The following DNAAF11 variants were observed in gnomAD, a reference collection of about 807,000 sequenced individuals.
DNAAF11 encodes the protein leucine rich repeat containing 6.
In DNAAF11, 45 loss-of-function variants were observed where a neutral mutation model predicts 60.8. The observed-to-expected ratio is 0.74, with a 90% confidence interval of 0.58 to 0.95. The LOEUF (loss-of-function observed/expected upper bound fraction) is 0.95. DNAAF11 is among the 40% of genes least tolerant of loss of function. The pLI is 0.00. For synonymous variants in DNAAF11, 191 were observed against 183.5 expected (o/e 1.04, Z -0.33); for missense variants, 546 against 546.2 (o/e 1.00, Z 0.00).
At chr8:132,578,455 A>C (rs138045869) in intron 11 of DNAAF11, 1 of 1,527,430 alleles carries the variant, frequency 6.5e-7, no homozygotes, top group Non-Finnish European at 8.7e-7. Context: ...ACGGACGCCC[A>C]TCACTGGTCT....
At chr8:132,598,947 A>G (rs1423275732) in intron 10 of DNAAF11, among the ~76,000 whole-genome samples, 3 of 152,134 alleles carry the variant, frequency 2.0e-5, no homozygotes, top group Non-Finnish European at 1.5e-5. Flanking sequence ...AGGAGACAGA[A>G]ACACAAAAAA....
chr8:132,576,731 GA>G (rs35017438), intron 11 of DNAAF11, among the ~76,000 whole-genome samples: 16 of 151,724 alleles, frequency 1.1e-4, no homozygotes, highest in African/African-American at 3.9e-4. Flanking sequence ...TCCACAATCT[GA>G]AAAAAAATCC....
intron 3 of DNAAF11, among the ~76,000 whole-genome samples, chr8:132,650,544 C>T (rs980850006): frequency 6.6e-6 from 1 of 152,224 alleles, no homozygotes; most frequent in South Asian, 2.1e-4. Context: ...AAATAAAACA[C>T]ATTAATAAAC....
chr8:132,692,175 A>G, the DNAAF11 span, among the ~76,000 whole-genome samples: 2 of 147,454 alleles, frequency 1.4e-5, no homozygotes, highest in African/African-American at 5.1e-5. Context: ...AATAGTGACA[A>G]GTAGTGACTG....
chr8:132,675,389 A>G lies in DNAAF11; in HGVS notation c.10+95T>C, dbSNP rs1353951829. 6 of 1,377,468 alleles carry G rather than the reference A, an allele frequency of 4.4e-6. No individual in the cohort carries two copies. In the African/African-American group the frequency reaches 8.9e-5, roughly 20 times the overall value. The allele number at this position is 1,377,468 out of a possible 1,614,324, so 85.3% of individuals were successfully genotyped here. On this transcript the variant is annotated intron_variant, in intron 1 of 11. Transcript: ENST00000620350. ...TCCGCCCAGGCGCGGGGGAACCGACAGCGCAGGGCGGGAGCGGGCGGCGAG... is the reference window on the plus strand; with the variant it reads ...TCCGCCCAGGCGCGGGGGAACCGACGGCGCAGGGCGGGAGCGGGCGGCGAG...
the DNAAF11 span, among the ~76,000 whole-genome samples, chr8:132,685,558 G>A: frequency 2.0e-5 from 3 of 152,228 alleles, no homozygotes; most frequent in Middle Eastern, 3.4e-3. Context: ...CCCTTCTCAC[G>A]TTGGCTGGCA....
rs1815580193 is a variant in DNAAF11 at position 132,583,739 on chromosome 8, G to A, written c.1181C>T (p.Ser394Phe). 1.2e-6 allele frequency: 2 copies of A among 1,613,744 alleles called. No homozygotes were observed. Among genetic ancestry groups the A allele is most frequent in the Admixed American group, 1.7e-5 (1 of 59,992 alleles). The change falls in exon 11 of 12, where the codon TCT becomes TTT. Residue 394 changes from serine (S) to phenylalanine (F), a missense_variant. Physicochemically the swap from Ser to Phe is radical, Grantham distance 155. Coordinates refer to ENST00000620350, the MANE Select transcript of DNAAF11 (RefSeq NM_012472.6). ...GCTCCTGTCCGAGGTAGTTTTCATA[G>A]ATTTGAATGCTCGCTGACCACCTGT... ...VITGGQRAFK[S>F]MKTTSDRSRE... is the part of the protein sequence containing the mutation.
the DNAAF11 span, among the ~76,000 whole-genome samples, chr8:132,690,626 G>A: frequency 4.4e-3 from 667 of 152,200 alleles, 12 homozygotes; most frequent in African/African-American, 0.015. Context: ...GATTTCCTTA[G>A]CCATTACCTA....
At chr8:132,590,064 T>C (rs1237602135) in intron 10 of DNAAF11, among the ~76,000 whole-genome samples, 1 of 152,220 alleles carries the variant, frequency 6.6e-6, no homozygotes, top group African/African-American at 2.4e-5. Flanking sequence ...TTTGTCCTCA[T>C]ATCCATTGCC....
chr8:132,612,213 C>T (rs1036417966), intron 8 of DNAAF11, among the ~76,000 whole-genome samples: 4 of 152,108 alleles, frequency 2.6e-5, no homozygotes, highest in Admixed American at 1.3e-4. Flanking sequence ...ACTACTAACA[C>T]GTAGCCCTAA....
rs1586744854 is a variant in DNAAF11 at position 132,668,304 on chromosome 8, C to CTGGA, written c.11-6681_11-6678dup. 3.3e-5 allele frequency among the ~76,000 whole-genome samples: 5 copies of CTGGA among 152,308 alleles called. No homozygotes were observed. In the East Asian group the frequency reaches 9.7e-4, roughly 29 times the overall value. The stretch of plus-strand genomic sequence containing the variant: ...TAGTGATATCTTTAGGGACGACTTA[C>CTGGA]TGGAGTGTGCTACTGAAAAGCACTA... On this transcript the variant is annotated intron_variant, in intron 1 of 11. Transcript: ENST00000620350.
At chr8:132,598,583 A>G (rs576185152) in intron 10 of DNAAF11, among the ~76,000 whole-genome samples, 2 of 152,354 alleles carry the variant, frequency 1.3e-5, no homozygotes, top group Admixed American at 6.5e-5. Flanking sequence ...ATAGCACAAT[A>G]TCTCCCAGAC....
chr8:132,629,937 A>AGAT (rs1331147254), intron 5 of DNAAF11, among the ~76,000 whole-genome samples: 1 of 152,236 alleles, frequency 6.6e-6, no homozygotes, highest in Non-Finnish European at 1.5e-5. Context: ...ATACAATGAA[A>AGAT]GATGGTTTAA....
At chr8:132,655,216 A>G (rs960278307) in intron 3 of DNAAF11, among the ~76,000 whole-genome samples, 1 of 152,088 alleles carries the variant, frequency 6.6e-6, no homozygotes, top group Non-Finnish European at 1.5e-5. Flanking sequence ...AAGAAGAAAT[A>G]GAAAATCTGA....
At chr8:132,669,670 G>C (rs1482186019) in intron 1 of DNAAF11, among the ~76,000 whole-genome samples, 1 of 152,104 alleles carries the variant, frequency 6.6e-6, no homozygotes, top group African/African-American at 2.4e-5. Flanking sequence ...TTCATCATAA[G>C]ATTAGCAGTG....
At chr8:132,593,760 G>A (rs1343912633) in intron 10 of DNAAF11, among the ~76,000 whole-genome samples, 1 of 151,952 alleles carries the variant, frequency 6.6e-6, no homozygotes, top group Non-Finnish European at 1.5e-5. Context: ...TTCTTTATGA[G>A]GCCATTGATT....
At chr8:132,625,016 A>T (rs998868539) in intron 6 of DNAAF11, among the ~76,000 whole-genome samples, 1 of 152,200 alleles carries the variant, frequency 6.6e-6, no homozygotes, top group Non-Finnish European at 1.5e-5. Flanking sequence ...TAGGCATATT[A>T]AAAGTGGTAA....
At chr8:132,686,010 G>C in the DNAAF11 span, among the ~76,000 whole-genome samples, 1 of 152,224 alleles carries the variant, frequency 6.6e-6, no homozygotes, top group South Asian at 2.1e-4. Flanking sequence ...TACTCATTCA[G>C]AGTGAACATA....
Position 132,615,065 on chromosome 8 carries a change from T to G in DNAAF11, c.947A>C (p.Gln316Pro), listed in dbSNP as rs773789654. 19 of 1,607,952 alleles carry G rather than the reference T, an allele frequency of 1.2e-5. No individual in the cohort carries two copies. Among genetic ancestry groups the G allele is most frequent in the Non-Finnish European group, 1.6e-5 (19 of 1,175,160 alleles). The change falls in exon 8 of 12, where the codon CAG (glutamine) becomes CCG (proline). Residue 316 changes from glutamine (Q) to proline (P), a missense_variant. Coordinates refer to ENST00000620350, the MANE Select transcript of DNAAF11 (RefSeq NM_012472.6). ...IDFSLKDNEK[Q>P]IILDLAVYRY... ...ATAGACAGCAAGGTCCAGGATGATC[T>G]GCTTTTCGTTATCTTTCAAAGAGAA...
Sources: gnomAD v4.1 joint callset for allele counts (sites outside exome capture counted in the v4.1 genomes callset) on GRCh38, gnomAD v4.1.1 for gene constraint, MANE v1.5 for transcripts, NCBI Gene and HGNC (gene_info 2026-07-23, HGNC 2026-07-21) for gene names.